The following SH3GL2 variants were observed in gnomAD, a reference collection of about 807,000 sequenced individuals.
The protein encoded by SH3GL2 is endophilin-A1.
Under a neutral mutation model 46.0 loss-of-function variants are expected in SH3GL2, and 24 were observed. The observed-to-expected ratio is 0.52, with a 90% CI of 0.38 to 0.73. SH3GL2 has a LOEUF of 0.73. Among genes scored for constraint, SH3GL2 ranks in the 30% least tolerant of loss-of-function variants. The pLI, the probability that SH3GL2 is intolerant of heterozygous loss-of-function variation, is 0.00. For synonymous variants in SH3GL2, 196 were observed against 147.1 expected (o/e 1.33, Z -2.40); for missense variants, 413 against 424.2 (o/e 0.97, Z 0.23).
intron 3 of SH3GL2, among the ~76,000 whole-genome samples, chr9:17,761,724 A>T (rs1222879713): frequency 6.6e-6 from 1 of 152,204 alleles, no homozygotes; most frequent in African/African-American, 2.4e-5. Flanking sequence ...GTGGTATTTT[A>T]TCTGACTGTG....
chr9:17,579,484 C>T (rs940371051), intron 1 of SH3GL2, among the ~76,000 whole-genome samples, 197 bp downstream of exon 1: 21 of 152,004 alleles, frequency 1.4e-4, no homozygotes, highest in African/African-American at 1.9e-4. Flanking sequence ...CCCCCGCCCC[C>T]GGCTTGGTGC....
chr9:17,597,924 C>G (rs1818604208), intron 1 of SH3GL2, among the ~76,000 whole-genome samples: 1 of 152,174 alleles, frequency 6.6e-6, no homozygotes, highest in African/African-American at 2.4e-5. Context: ...CCGCCAGGCT[C>G]TGTGCTGAGT....
At chr9:17,639,831 T>C (rs1449820115) in intron 1 of SH3GL2, among the ~76,000 whole-genome samples, 1 of 152,174 alleles carries the variant, frequency 6.6e-6, no homozygotes, top group African/African-American at 2.4e-5. Flanking sequence ...ACATGTTGAA[T>C]CTTAATGAAA....
At chr9:17,663,271 T>C (rs1820266688) in intron 1 of SH3GL2, among the ~76,000 whole-genome samples, 1 of 152,258 alleles carries the variant, frequency 6.6e-6, no homozygotes, top group African/African-American at 2.4e-5. Flanking sequence ...ATAAAACAGT[T>C]ACATTGACTG....
chr9:17,701,921 G>T (rs1821350922), intron 1 of SH3GL2, among the ~76,000 whole-genome samples: 1 of 151,842 alleles, frequency 6.6e-6, no homozygotes, highest in African/African-American at 2.4e-5. Flanking sequence ...TTATACAAAA[G>T]ATAATATTTT....
At chr9:17,771,504 A>G (rs1823480585) in intron 3 of SH3GL2, among the ~76,000 whole-genome samples, 1 of 152,130 alleles carries the variant, frequency 6.6e-6, no homozygotes, top group Non-Finnish European at 1.5e-5. Context: ...ATAAGGATAT[A>G]TTATTTACCA....
chr9:17,781,867 G>A (rs2131179622), intron 3 of SH3GL2, among the ~76,000 whole-genome samples: 1 of 152,134 alleles, frequency 6.6e-6, no homozygotes, highest in Admixed American at 6.5e-5. Flanking sequence ...CTTTCAGGTG[G>A]AATTTGTTAC....
rs1554636866 is a variant in SH3GL2, at chr9:17,666,578, G to GTA, written c.46-80483_46-80482dup. Among the ~76,000 whole-genome samples the GTA allele has an allele frequency of 9.4e-3, 1,388 of 148,206 alleles. 26 individuals carry two copies. Among genetic ancestry groups the GTA allele is most frequent in the African/African-American group, 0.033 (1,305 of 40,086 alleles). Reference sequence around the variant, plus strand: ...TGTGTGTGTGTGTGTGTGTGTGTGTGTATATACATTAAGTTTGCTTTTTTC... The same window carrying GTA: ...TGTGTGTGTGTGTGTGTGTGTGTGTGTATATATACATTAAGTTTGCTTTTTTC... On this transcript the variant is annotated intron_variant, in intron 1 of 8. Coordinates refer to ENST00000380607, the MANE Select transcript of SH3GL2 (RefSeq NM_003026.5).
chr9:17,721,918 G>A (rs960231565), intron 1 of SH3GL2, among the ~76,000 whole-genome samples: 21 of 152,096 alleles, frequency 1.4e-4, no homozygotes, highest in Non-Finnish European at 2.5e-4. Flanking sequence ...CAATGAGATG[G>A]GGGTTAGTTC....
intron 1 of SH3GL2, among the ~76,000 whole-genome samples, chr9:17,639,049 A>G (rs1206295161): frequency 6.6e-6 from 1 of 152,234 alleles, no homozygotes; most frequent in East Asian, 1.9e-4. Context: ...AGTGTAATGT[A>G]TGTAACACTT....
At chr9:17,628,980 C>CT (rs5896753) in intron 1 of SH3GL2, among the ~76,000 whole-genome samples, 2,425 of 145,714 alleles carry the variant, frequency 0.017, 32 homozygotes, top group Non-Finnish European at 0.022. Flanking sequence ...ATTAAATTAC[C>CT]TTTTTTTTTT....
In SH3GL2 at chr9:17,746,907, G is replaced by A. The variant is rs568600108; in HGVS notation, c.46-159G>A. 6.6e-5 allele frequency among the ~76,000 whole-genome samples: 10 copies of A among 152,328 alleles called. 1 individual carries two copies. The East Asian group carries it at 1.7e-3, about 26-fold the overall frequency. ...CTTTAGTAAGTTTTTCAGACCCTCA[G>A]AGCCACAGTTTGCTGCTATAAAAAT... On this transcript the variant is annotated intron_variant, in intron 1 of 8. Coordinates refer to ENST00000380607, the MANE Select transcript of SH3GL2 (RefSeq NM_003026.5).
At chr9:17,697,100 A>G (rs1019725737) in intron 1 of SH3GL2, among the ~76,000 whole-genome samples, 1 of 152,184 alleles carries the variant, frequency 6.6e-6, no homozygotes, top group Non-Finnish European at 1.5e-5. Flanking sequence ...TAGAGAGGCC[A>G]CATGGGCTGT....
chr9:17,787,507 A>C lies in SH3GL2; in HGVS notation c.459A>C (p.Glu153Asp). ...LQNLHDKDLR[E>D]IQHHLKKLEG... The stretch of plus-strand genomic sequence containing the variant: ...ATCTTCATGACAAAGATCTTAGGGA[A>C]ATTCAAGTATGTACAATGAGTCTTC... The change falls in exon 5 of 9, where the codon GAA becomes GAC. Residue 153 changes from glutamate (E) to aspartate (D), a missense_variant. Transcript: ENST00000380607. 7 of 1,612,444 alleles carry C rather than the reference A, an allele frequency of 4.3e-6. No individual in the cohort carries two copies. Among genetic ancestry groups the C allele is most frequent in the Non-Finnish European group, 5.1e-6 (6 of 1,178,918 alleles).
At chr9:17,677,043 A>T (rs1050905589) in intron 1 of SH3GL2, among the ~76,000 whole-genome samples, 1 of 152,092 alleles carries the variant, frequency 6.6e-6, no homozygotes, top group African/African-American at 2.4e-5. Context: ...CCCTCATGGG[A>T]CCATTTGGCG....
intron 1 of SH3GL2, among the ~76,000 whole-genome samples, chr9:17,600,300 G>A (rs1442471875): frequency 6.6e-6 from 1 of 152,164 alleles, no homozygotes; most frequent in African/African-American, 2.4e-5. Flanking sequence ...AATGTCCTAT[G>A]TTCTTCAGCC....
chr9:17,602,100 G>A (rs1252092844), intron 1 of SH3GL2, among the ~76,000 whole-genome samples: 1 of 152,096 alleles, frequency 6.6e-6, no homozygotes, highest in African/African-American at 2.4e-5. Flanking sequence ...CTATTTATTG[G>A]GTTCTATGAC....
At position 17,628,411 on chromosome 9, in the gene SH3GL2, GGTGTGTGTGTGTGTGTGTGTGTGT is replaced by G. The variant is rs3084633; in HGVS notation, c.45+49143_45+49166del. ...GGGATGCCCAGATAACTATATCTTG[GGTGTGTGTGTGTGTGTGTGTGTGT>G]GTGTGTGTGTGTGTGTGTATGTGCA... On this transcript the variant is annotated intron_variant, in intron 1 of 8. Coordinates refer to ENST00000380607, the MANE Select transcript of SH3GL2 (RefSeq NM_003026.5). 8.1e-4 allele frequency among the ~76,000 whole-genome samples: 117 copies of G among 143,772 alleles called. 3 individuals carry two copies. In the South Asian group the frequency reaches 0.025, roughly 30 times the overall value. The allele number at this position is 143,772 out of a possible 152,430, so 94.3% of individuals were successfully genotyped here. A position where few individuals can be genotyped will look rare whatever the true frequency, so the allele number is the denominator to read the frequency against.
chr9:17,623,108 GT>G (rs1285805132), intron 1 of SH3GL2, among the ~76,000 whole-genome samples: 4 of 118,662 alleles, frequency 3.4e-5, no homozygotes, highest in Non-Finnish European at 6.4e-5. Flanking sequence ...CTTTGCATTC[GT>G]TCTGCTTTAG....
Sources: allele counts gnomAD v4.1 joint callset (sites outside exome capture counted in the v4.1 genomes callset), GRCh38; gene constraint gnomAD v4.1.1; transcripts MANE v1.5; gene names NCBI Gene and HGNC (gene_info 2026-07-23, HGNC 2026-07-21).